EML4: variants seen among roughly 807,000 people sequenced by gnomAD.
EML4 encodes EMAP like 4, also known as echinoderm microtubule-associated protein-like 4.
EML4 carries 72 observed loss-of-function variants against 129.0 expected under a neutral mutation model. That is an observed-to-expected ratio of 0.56 (90% CI 0.46 to 0.68). The LOEUF (loss-of-function observed/expected upper bound fraction) is 0.68. Among genes scored for constraint, EML4 ranks in the 30% least tolerant of loss-of-function variants. EML4 has a pLI of 0.00. For synonymous variants in EML4, 532 were observed against 405.0 expected, an observed-to-expected ratio of 1.31 and a Z score of -3.77; for missense variants, 1,363 against 1,190.6, an observed-to-expected ratio of 1.14 and a Z score of -2.13.
chr2:42,208,794 G>GCT (rs1672714673), intron 1 of EML4, among the ~76,000 whole-genome samples: 1 of 112,098 alleles, frequency 8.9e-6, no homozygotes, highest in African/African-American at 3.5e-5. Flanking sequence ...GTTCTGTCTG[G>GCT]CTTTTTTTTT....
intron 1 of EML4, among the ~76,000 whole-genome samples, chr2:42,241,017 G>T (rs942387009): frequency 6.6e-6 from 1 of 152,012 alleles, no homozygotes. Flanking sequence ...GGTGGCATGC[G>T]CCTCTGTAAT....
At chr2:42,223,084 C>T (rs564628553) in intron 1 of EML4, among the ~76,000 whole-genome samples, 21 of 152,188 alleles carry the variant, frequency 1.4e-4, no homozygotes, top group Admixed American at 9.8e-4. Flanking sequence ...GGATTACAGA[C>T]GTGAGCCACC....
intron 1 of EML4, among the ~76,000 whole-genome samples, chr2:42,179,444 G>C (rs1478731203): frequency 6.6e-6 from 1 of 152,092 alleles, no homozygotes; most frequent in Non-Finnish European, 1.5e-5. Flanking sequence ...GTGGATGGTG[G>C]TAAGTATTGC....
At chr2:42,250,083 C>T (rs1479794148) in intron 2 of EML4, among the ~76,000 whole-genome samples, 1 of 152,034 alleles carries the variant, frequency 6.6e-6, no homozygotes, top group Non-Finnish European at 1.5e-5. Flanking sequence ...AGAACACAGC[C>T]CAGTGGCATT....
chr2:42,184,045 A>C (rs2103858204), intron 1 of EML4, among the ~76,000 whole-genome samples: 1 of 152,236 alleles, frequency 6.6e-6, no homozygotes, highest in East Asian at 1.9e-4. Context: ...CTGTGCTCTG[A>C]AGTGTTGTTT....
At chr2:42,272,229 C>A (rs1374529729) in intron 6 of EML4, among the ~76,000 whole-genome samples, 4 of 152,120 alleles carry the variant, frequency 2.6e-5, no homozygotes, top group Non-Finnish European at 5.9e-5. Context: ...TGCGGTTGAT[C>A]AGTGGCATAT....
intron 1 of EML4, among the ~76,000 whole-genome samples, chr2:42,220,390 T>C (rs922670534): frequency 1.3e-5 from 2 of 152,118 alleles, no homozygotes; most frequent in Non-Finnish European, 2.9e-5. Flanking sequence ...TTCACTATTA[T>C]TATATCTCTT....
At chr2:42,201,193 TAGCTATTA>T (rs1285028895) in intron 1 of EML4, among the ~76,000 whole-genome samples, 1 of 152,242 alleles carries the variant, frequency 6.6e-6, no homozygotes, top group Non-Finnish European at 1.5e-5. Context: ...CATCAAAATC[TAGCTATTA>T]AGTAAATATA....
chr2:42,223,430 A>C (rs916706285), intron 1 of EML4, among the ~76,000 whole-genome samples: 1 of 152,180 alleles, frequency 6.6e-6, no homozygotes, highest in African/African-American at 2.4e-5. Context: ...ATGAAGCTAA[A>C]TCATTTGAAC....
At position 42,303,323 on chromosome 2, in the gene EML4, A is replaced by G. The variant is rs529790932; in HGVS notation, c.1776A>G (p.Thr592=). ...DGFQIEVQGH[T]DELWGLATHP... ...GTGTCTTTCATTTTCAGGGTCATAC[A>G]GATGAGCTTTGGGGTCTTGCCACAC... is the stretch of plus-strand genomic sequence containing the variant. Residue 592 remains threonine, a synonymous_variant, in exon 16 of 23, where the codon ACA becomes ACG. Transcript: ENST00000318522. 1.9e-6 allele frequency: 3 copies of G among 1,614,206 alleles called. No individual in the cohort carries two copies. Among genetic ancestry groups the G allele is most frequent in the Admixed American group, 3.3e-5 (2 of 60,020 alleles).
intron 1 of EML4, among the ~76,000 whole-genome samples, chr2:42,182,125 C>CTTTT (rs1164289811): frequency 9.7e-5 from 10 of 102,744 alleles, no homozygotes; most frequent in African/African-American, 3.4e-4. Flanking sequence ...CCACTGGTTT[C>CTTTT]TTTTTTTTTT....
chr2:42,294,765 TTTTC>T (rs945948292), intron 11 of EML4, among the ~76,000 whole-genome samples: 1 of 152,178 alleles, frequency 6.6e-6, no homozygotes, highest in African/African-American at 2.4e-5. Flanking sequence ...TAAGACTTTC[TTTTC>T]TTTCTTTCAA....
chr2:42,252,451 G>A (rs1365862076), intron 2 of EML4, among the ~76,000 whole-genome samples: 2 of 152,122 alleles, frequency 1.3e-5, no homozygotes, highest in African/African-American at 2.4e-5. Context: ...CCTGAAATCA[G>A]TTCTTCACAT....
chr2:42,169,834 T>G, intron 1 of EML4, 198 bp downstream of exon 1: 1 of 495,530 alleles, frequency 2.0e-6, no homozygotes, highest in East Asian at 3.5e-5. Flanking sequence ...CTCTCCTCTG[T>G]GTCAGACCCT....
intron 3 of EML4, among the ~76,000 whole-genome samples, chr2:42,260,282 C>T (rs1015534977): frequency 3.3e-5 from 5 of 152,214 alleles, no homozygotes; most frequent in African/African-American, 1.2e-4. Context: ...ATTCTCCTGC[C>T]TCAGCCTCCC....
At chr2:42,233,075 CTT>C (rs566645988) in intron 1 of EML4, among the ~76,000 whole-genome samples, 1 of 152,054 alleles carries the variant, frequency 6.6e-6, no homozygotes, top group South Asian at 2.1e-4. Context: ...ATTCCAATGT[CTT>C]TTATCAGCTT....
rs144309445 is a variant in EML4 at position 42,308,836 on chromosome 2, A to T, written c.1967+4285A>T. Among the ~76,000 whole-genome samples, 3 of 152,230 alleles carry T rather than the reference A, an allele frequency of 2.0e-5. No homozygotes were observed. The East Asian group carries it at 5.8e-4, about 29-fold the overall frequency. ...GCATTTTCTATAAATGGAATGAATC[A>T]TATAACGTGAAGTTTTGTGATGAGC... is the stretch of plus-strand genomic sequence containing the variant. On this transcript the variant is annotated intron_variant, in intron 17 of 22. Transcript: ENST00000318522.
intron 1 of EML4, among the ~76,000 whole-genome samples, chr2:42,187,495 T>C (rs1482108142): frequency 6.6e-6 from 1 of 152,230 alleles, no homozygotes; most frequent in East Asian, 1.9e-4. Context: ...TAATATTTCT[T>C]TGTATGAATA....
chr2:42,233,307 TTC>T, intron 1 of EML4, among the ~76,000 whole-genome samples: 1 of 151,546 alleles, frequency 6.6e-6, no homozygotes, highest in African/African-American at 2.4e-5. Flanking sequence ...ACAGGTTTCT[TTC>T]TTTTTTTTTT....
Sources: gnomAD v4.1 joint callset for allele counts (sites outside exome capture counted in the v4.1 genomes callset) on GRCh38, gnomAD v4.1.1 for gene constraint, MANE v1.5 for transcripts, NCBI Gene and HGNC (gene_info 2026-07-23, HGNC 2026-07-21) for gene names.